MYO9B: variants seen among roughly 807,000 people sequenced by gnomAD.
MYO9B encodes the protein unconventional myosin-IXb.
Under a neutral mutation model 229.5 loss-of-function variants are expected in MYO9B, and 71 were observed. The observed-to-expected ratio is 0.31, with a 90% CI of 0.26 to 0.38. The LOEUF (loss-of-function observed/expected upper bound fraction) is 0.38. Among genes scored for constraint, MYO9B ranks in the 10% least tolerant of loss-of-function variants. The pLI is 1.00. For synonymous variants in MYO9B, 1,185 were observed against 1,235.8 expected, an observed-to-expected ratio of 0.96 and a Z score of 0.86; for missense variants, 2,255 against 2,920.5, an observed-to-expected ratio of 0.77 and a Z score of 5.25.
chr19:17,185,010 A>G (rs1411136225), intron 17 of MYO9B, 23 bp downstream of exon 17: 2 of 1,613,608 alleles, frequency 1.2e-6, no homozygotes. Context: ...GGAGAGGCAG[A>G]AGGTGGCGGT....
At position 17,101,143 on chromosome 19, in the gene MYO9B, C is replaced by G. The variant is rs1237210933; in HGVS notation, c.-58-517C>G. ...AGCAAACTCAGGGGAAGGGTCAGGTCTTGGGGTTGTCTGATGATGTCACTT... is the reference window on the plus strand; with the variant it reads ...AGCAAACTCAGGGGAAGGGTCAGGTGTTGGGGTTGTCTGATGATGTCACTT... On this transcript the variant is annotated intron_variant, in intron 1 of 39. Transcript: ENST00000682292. This position sits in a 1 kb window ranked among gnomAD's most constrained non-coding sequence, Gnocchi z 4.7. Among the ~76,000 whole-genome samples, 1 of 150,996 alleles carries G rather than the reference C, an allele frequency of 6.6e-6. No homozygotes were observed. The highest frequency in any genetic ancestry group is 2.4e-5 in the African/African-American group (1 of 41,040).
chr19:17,100,732 G>C (rs551081313), intron 1 of MYO9B, among the ~76,000 whole-genome samples: 52 of 152,258 alleles, frequency 3.4e-4, no homozygotes, highest in African/African-American at 1.3e-3. Flanking sequence ...GCCTGGGCCT[G>C]CCTGATGTTC....
Position 17,102,090 on chromosome 19 carries a change from CT to C in MYO9B, c.374del (p.Leu125ArgfsTer11). The C allele has an allele frequency of 1.2e-6, 2 of 1,612,984 alleles. No individual in the cohort carries two copies. Among genetic ancestry groups the C allele is most frequent in the Non-Finnish European group, 1.7e-6 (2 of 1,179,898 alleles). On this transcript the variant is annotated frameshift_variant, in exon 2 of 40. Coordinates refer to ENST00000682292, the MANE Select transcript of MYO9B (RefSeq NM_004145.4). LOFTEE classifies it high-confidence loss of function. The part of the protein sequence containing the change: ...DGTIKYVHMQ[L>X]VAQATATRRL... ...AACCATCAAGTACGTGCATATGCAG[CT>C]GGTGGCGCAGGCCACAGCCACCCGG...
intron 2 of MYO9B, among the ~76,000 whole-genome samples, chr19:17,134,385 T>G (rs866325890): frequency 7.5e-4 from 59 of 78,160 alleles, no homozygotes; most frequent in South Asian, 1.8e-3. Context: ...TTGTTTGTTT[T>G]TTTTTTTTTT....
At chr19:17,100,922 C>T (rs901186706) in intron 1 of MYO9B, among the ~76,000 whole-genome samples, 1 of 151,560 alleles carries the variant, frequency 6.6e-6, no homozygotes, top group African/African-American at 2.4e-5. Context: ...ACATGCCTCT[C>T]GCTGTTACTG....
intron 37 of MYO9B, 67 bp from the exon 38 acceptor site, chr19:17,210,648 T>C (rs1407640187): frequency 1.4e-6 from 2 of 1,474,180 alleles, no homozygotes; most frequent in Non-Finnish European, 1.8e-6. Context: ...TGGGATCTGC[T>C]CACACCTCCG....
chr19:17,127,013 A>AT (rs71180364), intron 2 of MYO9B, among the ~76,000 whole-genome samples: 42,758 of 92,796 alleles, frequency 0.46, 10,001 homozygotes, highest in East Asian at 0.7. Flanking sequence ...TCCCCTAAGC[A>AT]TTTTTTTTTT....
chr19:17,188,352 C>A (rs1240579015), intron 19 of MYO9B, among the ~76,000 whole-genome samples: 1 of 148,660 alleles, frequency 6.7e-6, no homozygotes, highest in East Asian at 2.0e-4. Context: ...TCCCTTGAAT[C>A]CAGGAGGCAG....
At position 17,213,128 on chromosome 19, in the gene MYO9B, A is replaced by G. The variant is rs1307313890; in HGVS notation, c.*818A>G. The G allele has an allele frequency of 6.6e-6, 1 of 152,296 alleles. No homozygotes were observed. The highest frequency in any genetic ancestry group is 1.5e-5 in the Non-Finnish European group (1 of 68,078). The allele number at this position is 152,296 out of a possible 1,614,324, so 9.4% of individuals were successfully genotyped here. Reference sequence around the variant, plus strand: ...CACGGGTCAGGAGGGCAACGCCTGAAGTCAGACCTCCCTATAGGTCAACAG... The same window carrying G: ...CACGGGTCAGGAGGGCAACGCCTGAGGTCAGACCTCCCTATAGGTCAACAG... On this transcript the variant is annotated 3_prime_UTR_variant, in exon 40 of 40. Coordinates refer to ENST00000682292, the MANE Select transcript of MYO9B (RefSeq NM_004145.4).
At chr19:17,137,592 T>G (rs1168501340) in intron 2 of MYO9B, among the ~76,000 whole-genome samples, 3 of 152,098 alleles carry the variant, frequency 2.0e-5, no homozygotes, top group African/African-American at 4.8e-5. Context: ...CCTCCCTGTT[T>G]CCTTGTCCCA....
intron 2 of MYO9B, among the ~76,000 whole-genome samples, chr19:17,122,156 T>C (rs2057971961): frequency 6.6e-6 from 1 of 152,204 alleles, no homozygotes; most frequent in Non-Finnish European, 1.5e-5. Context: ...GGCTGGCTCC[T>C]CCCATGATGC....
At position 17,155,195 on chromosome 19, in the gene MYO9B, A is replaced by AT. The variant is rs894826232; in HGVS notation, c.1199+791dup. Among the ~76,000 whole-genome samples the AT allele has an allele frequency of 3.0e-3, 441 of 147,604 alleles. 2 individuals carry two copies. Among genetic ancestry groups the AT allele is most frequent in the African/African-American group, 9.7e-3 (394 of 40,416 alleles). ...ATGCTTATGTTACTACAATTTAATT[A>AT]TTTTTTTTTTTAGATGGGGTCTCGC... On this transcript the variant is annotated intron_variant, in intron 6 of 39. Coordinates refer to ENST00000682292, the MANE Select transcript of MYO9B (RefSeq NM_004145.4).
In MYO9B at chr19:17,191,093, C is replaced by A; in HGVS notation, c.2689-4C>A. The A allele has an allele frequency of 6.2e-7, 1 of 1,611,680 alleles. No homozygotes were observed. Reference sequence around the variant, plus strand: ...ATTTTCCTTTCTCCACCCAAATAACCTAGGATTTCACCGAGCAGTTCCAGG... The same window carrying A: ...ATTTTCCTTTCTCCACCCAAATAACATAGGATTTCACCGAGCAGTTCCAGG... On this transcript the variant is annotated splice_polypyrimidine_tract_variant and splice_region_variant and intron_variant, in intron 19 of 39. Coordinates refer to ENST00000682292, the MANE Select transcript of MYO9B (RefSeq NM_004145.4).
At chr19:17,099,905 G>T (rs1038801473) in intron 1 of MYO9B, among the ~76,000 whole-genome samples, 2 of 151,286 alleles carry the variant, frequency 1.3e-5, no homozygotes, top group Admixed American at 6.6e-5. Context: ...ATCACCTGAG[G>T]TCAGGAGTTC....
At chr19:17,141,392 G>A (rs116176368) in intron 2 of MYO9B, among the ~76,000 whole-genome samples, 1 of 152,144 alleles carries the variant, frequency 6.6e-6, no homozygotes, top group Non-Finnish European at 1.5e-5. Flanking sequence ...TTCCACGTGT[G>A]ACTGCAGGGC....
intron 31 of MYO9B, 94 bp downstream of exon 31, chr19:17,205,430 C>A: frequency 8.0e-7 from 1 of 1,244,946 alleles, no homozygotes; most frequent in Non-Finnish European, 1.2e-6. Flanking sequence ...CCAAGCGAAG[C>A]ATTGAGCAGC....
intron 37 of MYO9B, 24 bp downstream of exon 37, chr19:17,210,404 G>T: frequency 6.4e-7 from 1 of 1,573,230 alleles, no homozygotes; most frequent in Admixed American, 1.9e-5. Flanking sequence ...CGGTGGGCCC[G>T]CGGTGCATGT....
intron 2 of MYO9B, among the ~76,000 whole-genome samples, chr19:17,144,343 G>A (rs986834914): frequency 2.0e-5 from 3 of 152,164 alleles, no homozygotes; most frequent in Non-Finnish European, 4.4e-5. Context: ...GATGGTTCAT[G>A]CCTGTAATTC....
Position 17,101,587 on chromosome 19 carries a change from G to C in MYO9B, c.-58-73G>C. On this transcript the variant is annotated intron_variant, in intron 1 of 39. Transcript: ENST00000682292. The surrounding 1 kb of genome is among the most constrained non-coding windows in gnomAD (Gnocchi z 4.7). ...ATCGGGTCAGGTGCTATCTGCCCAGGAGTGGGACTCCACATGCCCCTTAAA... is the reference window on the plus strand; with the variant it reads ...ATCGGGTCAGGTGCTATCTGCCCAGCAGTGGGACTCCACATGCCCCTTAAA... The C allele has an allele frequency of 5.1e-6, 7 of 1,366,314 alleles. No homozygotes were observed. Among genetic ancestry groups the C allele is most frequent in the Non-Finnish European group, 6.8e-6 (7 of 1,036,954 alleles). The allele number at this position is 1,366,314 out of a possible 1,614,324, so 84.6% of individuals were successfully genotyped here.
Sources: gnomAD v4.1 joint callset for allele counts (sites outside exome capture counted in the v4.1 genomes callset) on GRCh38, gnomAD v4.1.1 for gene constraint, Gnocchi (gnomAD v3.1) non-coding constraint, MANE v1.5 for transcripts, NCBI Gene and HGNC (gene_info 2026-07-23, HGNC 2026-07-21) for gene names.